The following ICA1L variants were observed in gnomAD, a reference collection of about 807,000 sequenced individuals.
The protein encoded by ICA1L is islet cell autoantigen 1-like protein.
ICA1L carries 50 observed loss-of-function variants against 61.3 expected under a neutral mutation model. That is an observed-to-expected ratio of 0.82 (90% CI 0.65 to 1.03). ICA1L has a LOEUF of 1.03. Ranked by LOEUF, ICA1L falls within the 50% of genes least tolerant of loss-of-function variation. The pLI is 0.00. For missense variants in ICA1L, 508 were observed against 556.7 expected (o/e 0.91, Z 0.88); for synonymous variants, 161 against 191.3 (o/e 0.84, Z 1.31).
In ICA1L at chr2:202,777,876, CTTTTTT is replaced by C. The variant is rs905067239; in HGVS notation, c.*1651_*1656del. 10 of 116,908 alleles carry C rather than the reference CTTTTTT, an allele frequency of 8.6e-5. No individual in the cohort carries two copies. The highest frequency in any genetic ancestry group is 2.4e-4 in the African/African-American group (7 of 29,736). 7.2% of individuals were successfully genotyped at this position (116,908 alleles called of 1,614,324 possible). Reference sequence around the variant, plus strand: ...ACTGTGAATAACTTAGTTAAAATGTCTTTTTTTTTTTTTTTTTTTTTTGAGACGGAG... The same window carrying C: ...ACTGTGAATAACTTAGTTAAAATGTCTTTTTTTTTTTTTTTTGAGACGGAG... On this transcript the variant is annotated 3_prime_UTR_variant, in exon 13 of 13. Coordinates refer to ENST00000358299, the MANE Select transcript of ICA1L (RefSeq NM_001288622.3).
At chr2:202,857,458 C>T (rs999037751) in intron 1 of ICA1L, among the ~76,000 whole-genome samples, 1 of 151,982 alleles carries the variant, frequency 6.6e-6, no homozygotes, top group African/African-American at 2.4e-5. Flanking sequence ...TTCCTCACAC[C>T]TTATATAAAA....
At chr2:202,854,928 C>T (rs992233250) in intron 1 of ICA1L, among the ~76,000 whole-genome samples, 9 of 151,872 alleles carry the variant, frequency 5.9e-5, no homozygotes, top group Admixed American at 3.9e-4. Flanking sequence ...TGGGAGGCTG[C>T]GGCAGGAGAA....
At chr2:202,802,569 C>CA (rs975436392) in intron 9 of ICA1L, among the ~76,000 whole-genome samples, 6 of 150,426 alleles carry the variant, frequency 4.0e-5, no homozygotes, top group African/African-American at 1.2e-4. Context: ...AGCAGAATAC[C>CA]AAAAACAAAG....
At chr2:202,867,287 T>C (rs1184735093) in intron 1 of ICA1L, among the ~76,000 whole-genome samples, 1 of 152,208 alleles carries the variant, frequency 6.6e-6, no homozygotes, top group African/African-American at 2.4e-5. Context: ...TGTGGGGATA[T>C]GTTCTGAGAA....
chr2:202,846,602 TC>T (rs1694470247), intron 1 of ICA1L, among the ~76,000 whole-genome samples: 1 of 152,144 alleles, frequency 6.6e-6, no homozygotes, highest in Non-Finnish European at 1.5e-5. Context: ...CAGAGGCCTG[TC>T]CCTGAAGCCT....
intron 10 of ICA1L, among the ~76,000 whole-genome samples, chr2:202,795,595 C>CA (rs892253456): frequency 2.8e-4 from 41 of 143,898 alleles, no homozygotes; most frequent in African/African-American, 7.2e-4. Flanking sequence ...AACTCCATCT[C>CA]AAAAAAAAAG....
chr2:202,868,141 C>T (rs1015801810), intron 1 of ICA1L, among the ~76,000 whole-genome samples: 3 of 151,508 alleles, frequency 2.0e-5, no homozygotes, highest in East Asian at 1.9e-4. Flanking sequence ...CACTTCGAAA[C>T]GGTTGTTTGG....
In ICA1L at chr2:202,786,102, C is replaced by A. The variant is rs577300604; in HGVS notation, c.1244-95G>T. The stretch of plus-strand genomic sequence containing the variant: ...GGTAAAAATATCTAAGTCCTCCAGT[C>A]TTTGTATCTGGGTAAGATTCTATAA... On this transcript the variant is annotated intron_variant, in intron 11 of 12. Coordinates refer to ENST00000358299, the MANE Select transcript of ICA1L (RefSeq NM_001288622.3). The A allele has an allele frequency of 2.1e-4, 148 of 700,272 alleles. No homozygotes were observed. The Admixed American group carries it at 2.2e-3, about 11-fold the overall frequency. 43.4% of individuals were successfully genotyped at this position (700,272 alleles called of 1,614,324 possible). A position where few individuals can be genotyped will look rare whatever the true frequency, so the allele number is the denominator to read the frequency against.
At chr2:202,786,126 A>G in intron 11 of ICA1L, 119 bp from the exon 12 acceptor site, 1 of 583,600 alleles carries the variant, frequency 1.7e-6, no homozygotes, top group Non-Finnish European at 3.0e-6. Context: ...AAGATTCTAT[A>G]AGAGGTATAA....
At position 202,773,630 on chromosome 2, in the gene ICA1L, C is replaced by G. The variant is rs1692123730; in HGVS notation, c.*5903G>C. ...GATATGCTCAAAGCAAAGCCTCTTT[C>G]CCACAAACTAAATTCCATCCATTTG... is the stretch of plus-strand genomic sequence containing the variant. On this transcript the variant is annotated 3_prime_UTR_variant, in exon 13 of 13. Coordinates refer to ENST00000358299, the MANE Select transcript of ICA1L (RefSeq NM_001288622.3). 1 of 649,174 alleles carries G rather than the reference C, an allele frequency of 1.5e-6. No homozygotes were observed. Among genetic ancestry groups the G allele is most frequent in the Admixed American group, 2.9e-5 (1 of 34,986 alleles). 40.2% of individuals were successfully genotyped at this position (649,174 alleles called of 1,614,324 possible).
chr2:202,837,168 T>C (rs1694176670), intron 1 of ICA1L, among the ~76,000 whole-genome samples: 1 of 151,918 alleles, frequency 6.6e-6, no homozygotes, highest in African/African-American at 2.4e-5. Flanking sequence ...TAGTAGTCTA[T>C]GATCCTTTGT....
chr2:202,784,166 A>G (rs1356975521), intron 12 of ICA1L, among the ~76,000 whole-genome samples: 2 of 152,252 alleles, frequency 1.3e-5, no homozygotes, highest in East Asian at 3.9e-4. Flanking sequence ...AAACATAGGA[A>G]TCAGGCCAGG....
At position 202,778,497 on chromosome 2, in the gene ICA1L, G is replaced by C. The variant is rs567123558; in HGVS notation, c.*1036C>G. ...GAGACACTCCCTTATTGATCACACAGAGCTTTCTGTATGTCTGCCAGAAAG... is the reference window on the plus strand; with the variant it reads ...GAGACACTCCCTTATTGATCACACACAGCTTTCTGTATGTCTGCCAGAAAG... On this transcript the variant is annotated 3_prime_UTR_variant, in exon 13 of 13. Transcript: ENST00000358299. The C allele has an allele frequency of 6.6e-6, 1 of 152,232 alleles. No individual in the cohort carries two copies. The highest frequency in any genetic ancestry group is 1.9e-4 in the East Asian group (1 of 5,178). 9.4% of individuals were successfully genotyped at this position (152,232 alleles called of 1,614,324 possible). A position where few individuals can be genotyped will look rare whatever the true frequency, so the allele number is the denominator to read the frequency against.
intron 1 of ICA1L, among the ~76,000 whole-genome samples, chr2:202,833,692 C>G (rs1694072114): frequency 6.6e-6 from 1 of 152,106 alleles, no homozygotes; most frequent in Non-Finnish European, 1.5e-5. Flanking sequence ...TTCAGAAATG[C>G]TAACATTACA....
At chr2:202,844,802 G>T (rs1420960095) in intron 1 of ICA1L, among the ~76,000 whole-genome samples, 2 of 152,150 alleles carry the variant, frequency 1.3e-5, no homozygotes, top group Non-Finnish European at 1.5e-5. Context: ...TATAAAAAAT[G>T]ATCACAAACT....
At chr2:202,870,157 T>A (rs568252922) in intron 1 of ICA1L, among the ~76,000 whole-genome samples, 1 of 152,196 alleles carries the variant, frequency 6.6e-6, no homozygotes, top group African/African-American at 2.4e-5. Context: ...TTTGGCAGTA[T>A]AGTAGAACAA....
intron 1 of ICA1L, among the ~76,000 whole-genome samples, chr2:202,836,879 A>G (rs981765931): frequency 2.0e-5 from 3 of 151,676 alleles, no homozygotes; most frequent in Admixed American, 6.6e-5. Context: ...TCTCATTTGG[A>G]TGCCCAGGCT....
At chr2:202,860,394 C>T in intron 1 of ICA1L, 1 of 151,710 alleles carries the variant, frequency 6.6e-6, no homozygotes, top group East Asian at 1.9e-4. Context: ...CTATGTAACA[C>T]CATTAAAAAG....
intron 1 of ICA1L, among the ~76,000 whole-genome samples, chr2:202,862,603 G>C (rs1192581587): frequency 6.6e-6 from 1 of 152,118 alleles, no homozygotes; most frequent in Non-Finnish European, 1.5e-5. Context: ...TTGGGAGGGC[G>C]AGGCGGGTGG....
Sources: allele counts gnomAD v4.1 joint callset (sites outside exome capture counted in the v4.1 genomes callset), GRCh38; gene constraint gnomAD v4.1.1; transcripts MANE v1.5; gene names NCBI Gene and HGNC (gene_info 2026-07-23, HGNC 2026-07-21).